Variants in IST1 observed in about 807,000 individuals in gnomAD.
The protein encoded by IST1 is IST1 homolog.
IST1 carries 23 observed loss-of-function variants against 37.0 expected under a neutral mutation model. The ratio of observed to expected loss-of-function variants is 0.62; its 90% CI spans 0.45 to 0.88. The LOEUF (loss-of-function observed/expected upper bound fraction) is 0.88. Ranked by LOEUF, IST1 falls within the 40% of genes least tolerant of loss-of-function variation. The pLI is 0.00. For synonymous variants in IST1, 180 were observed against 161.7 expected (o/e 1.11, Z -0.86); for missense variants, 488 against 445.4 (o/e 1.10, Z -0.86).
intron 4 of IST1, among the ~76,000 whole-genome samples, chr16:71,920,489 G>C (rs1356846685): frequency 6.6e-6 from 1 of 152,224 alleles, no homozygotes; most frequent in African/African-American, 2.4e-5. Context: ...AGTAAGAACA[G>C]TATCTGTTTT....
At chr16:71,894,979 G>A, upstream of IST1, 1 of 715,876 alleles carries the variant, frequency 1.4e-6, no homozygotes, top group South Asian at 1.7e-5. Context: ...CTGGTCCAAA[G>A]GGCAACCGGA....
At chr16:71,908,003 G>C (rs973027845) in intron 1 of IST1, among the ~76,000 whole-genome samples, 13 of 152,024 alleles carry the variant, frequency 8.6e-5, no homozygotes, top group Non-Finnish European at 1.6e-4. Context: ...GGAGTGCAGT[G>C]GTGTGATCTC....
intron 1 of IST1, among the ~76,000 whole-genome samples, chr16:71,900,166 C>CA (rs59470234): frequency 0.48 from 60,255 of 126,388 alleles, 14,716 homozygotes; most frequent in East Asian, 0.91. Flanking sequence ...AACTCGGTCT[C>CA]AAAAAAAAAA....
chr16:71,911,927 G>C (rs1448224277), intron 1 of IST1, among the ~76,000 whole-genome samples: 1 of 151,760 alleles, frequency 6.6e-6, no homozygotes, highest in Non-Finnish European at 1.5e-5. Flanking sequence ...CATGTTGCCC[G>C]GGCTGGTCTC....
intron 7 of IST1, chr16:71,922,991 C>G (rs1490215976): frequency 4.1e-6 from 2 of 483,166 alleles, no homozygotes; most frequent in Non-Finnish European, 7.3e-6. Context: ...CAATTATTAC[C>G]AGGCAGAACA....
At chr16:71,914,937 GT>G (rs748598289) in intron 1 of IST1, among the ~76,000 whole-genome samples, 1 of 152,162 alleles carries the variant, frequency 6.6e-6, no homozygotes, top group Non-Finnish European at 1.5e-5. Flanking sequence ...AGGACGGGTG[GT>G]TTTGTTTACT....
intron 4 of IST1, among the ~76,000 whole-genome samples, chr16:71,919,980 C>T (rs909100064): frequency 1.4e-4 from 22 of 152,146 alleles, no homozygotes; most frequent in East Asian, 5.8e-4. Context: ...CAATGGCGAG[C>T]GCACACTGAA....
chr16:71,908,778 G>A (rs992381879), intron 1 of IST1, among the ~76,000 whole-genome samples: 5 of 152,096 alleles, frequency 3.3e-5, no homozygotes, highest in African/African-American at 1.2e-4. Flanking sequence ...GCTCATTTCC[G>A]GGTTTCAGCC....
At chr16:71,898,964 C>CAAA (rs10711796) in intron 1 of IST1, among the ~76,000 whole-genome samples, 1 of 110,310 alleles carries the variant, frequency 9.1e-6, no homozygotes, top group African/African-American at 3.3e-5. Flanking sequence ...GCCTCTATCT[C>CAAA]AAAAAAAAAA....
chr16:71,910,399 G>C (rs2142551416), intron 1 of IST1, among the ~76,000 whole-genome samples: 1 of 152,254 alleles, frequency 6.6e-6, no homozygotes, highest in East Asian at 1.9e-4. Context: ...AAAGTCAGGA[G>C]ATCGAGACCA....
intron 1 of IST1, among the ~76,000 whole-genome samples, chr16:71,896,150 T>C (rs1041906811): frequency 1.8e-4 from 27 of 152,262 alleles, no homozygotes; most frequent in Non-Finnish European, 3.7e-4. Context: ...AGGAGCGGCC[T>C]CTGCCCGCTT....
At chr16:71,895,517 C>A (rs1014852483), upstream of IST1, 7 of 985,708 alleles carry the variant, frequency 7.1e-6, no homozygotes, top group Non-Finnish European at 7.2e-6. Context: ...TGTGCTGAGG[C>A]CGAGGGAGTC....
chr16:71,915,453 C>CA, intron 1 of IST1, 173 bp from the exon 2 acceptor site: 1 of 530,586 alleles, frequency 1.9e-6, no homozygotes, highest in East Asian at 3.3e-5. Flanking sequence ...CTTCCCCAAT[C>CA]AGTTTTTTTT....
At chr16:71,917,198 T>A in intron 4 of IST1, 64 bp downstream of exon 4, 1 of 955,848 alleles carries the variant, frequency 1.0e-6, no homozygotes, top group Non-Finnish European at 1.6e-6. Context: ...TTGGTTAATA[T>A]AAGTTACTTC....
rs536875038 is a variant in IST1 at position 71,902,415 on chromosome 16, G to A, written c.-16+6826G>A. On this transcript the variant is annotated intron_variant, in intron 1 of 9. Transcript: ENST00000378799. Reference sequence around the variant, plus strand: ...CTCCCGAGTAGCTGGGATTACAGATGCCTGCCACCACGCCTGGCTAATTTT... The same window carrying A: ...CTCCCGAGTAGCTGGGATTACAGATACCTGCCACCACGCCTGGCTAATTTT... Among the ~76,000 whole-genome samples the A allele has an allele frequency of 3.9e-5, 6 of 152,160 alleles. No homozygotes were observed. The East Asian group carries it at 1.2e-3, about 29-fold the overall frequency.
At position 71,931,142 on chromosome 16, in the gene IST1, A is replaced by G. The variant is rs1054968746; in HGVS notation, c.*3329A>G. The G allele has an allele frequency of 1.3e-5, 2 of 152,106 alleles. No homozygotes were observed. The highest frequency in any genetic ancestry group is 4.8e-5 in the African/African-American group (2 of 41,406). 9.4% of individuals were successfully genotyped at this position (152,106 alleles called of 1,614,324 possible). ...TATGTTTACTGTATTTTTATGTACA[A>G]TTACATCCAAAGCAGAAAAGTTCCT... On this transcript the variant is annotated 3_prime_UTR_variant, in exon 10 of 10. Coordinates refer to ENST00000378799, the MANE Select transcript of IST1 (RefSeq NM_001270975.2).
At chr16:71,921,245 A>C (rs1365840835) in intron 5 of IST1, 98 bp from the exon 6 acceptor site, 2 of 748,122 alleles carry the variant, frequency 2.7e-6, no homozygotes, top group Non-Finnish European at 4.7e-6. Flanking sequence ...TTCCCTCAAT[A>C]TTACCTGTAA....
Position 71,928,506 on chromosome 16 carries a change from C to G in IST1, c.*693C>G, listed in dbSNP as rs2037807540. On this transcript the variant is annotated 3_prime_UTR_variant, in exon 10 of 10. Coordinates refer to ENST00000378799, the MANE Select transcript of IST1 (RefSeq NM_001270975.2). The stretch of plus-strand genomic sequence containing the variant: ...GGCCTTTTGCTTTGCGTGCTGTTTC[C>G]CTTGTACCAGAGGGCGGCACCGTGG... The G allele has an allele frequency of 6.6e-6, 1 of 152,636 alleles. No individual in the cohort carries two copies. Among genetic ancestry groups the G allele is most frequent in the African/African-American group, 2.4e-5 (1 of 41,412 alleles). The allele number at this position is 152,636 out of a possible 1,614,324, so 9.5% of individuals were successfully genotyped here.
At position 71,922,610 on chromosome 16, in the gene IST1, T is replaced by C. The variant is rs1192476057; in HGVS notation, c.689T>C (p.Met230Thr). 4 of 704,160 alleles carry C rather than the reference T, an allele frequency of 5.7e-6. No individual in the cohort carries two copies. Among genetic ancestry groups the C allele is most frequent in the Non-Finnish European group, 7.7e-6 (4 of 517,234 alleles). The allele number at this position is 704,160 out of a possible 1,614,324, so 43.6% of individuals were successfully genotyped here. A position where few individuals can be genotyped will look rare whatever the true frequency, so the allele number is the denominator to read the frequency against. Residue 230 changes from methionine to threonine, a missense_variant, in exon 7 of 10, where the codon ATG (methionine) becomes ACG (threonine). Physicochemically the swap from Met to Thr is moderately conservative, Grantham distance 81. Around this residue, in one of 2 missense-constraint regions of IST1, gnomAD observed 455 missense variants for 386.2 expected, o/e 1.18. Transcript: ENST00000378799. ...PVGGPDGTVP[M>T]PMPMPMPMPS... ...GGTGGACCTGATGGAACGGTGCCAA[T>C]GCCCATGCCCATGCCCATGCCTATG...
Sources: gnomAD v4.1 joint callset for allele counts (sites outside exome capture counted in the v4.1 genomes callset) on GRCh38, gnomAD v4.1.1 for gene constraint, gnomAD v4.1.1 regional missense constraint, MANE v1.5 for transcripts, NCBI Gene and HGNC (gene_info 2026-07-23, HGNC 2026-07-21) for gene names.